Variants in TMTC1 observed in about 807,000 individuals in gnomAD.
TMTC1 encodes the protein transmembrane O-mannosyltransferase targeting cadherins 1, also known as protein O-mannosyl-transferase TMTC1.
In TMTC1, 73 loss-of-function variants were observed where a neutral mutation model predicts 104.8. The ratio of observed to expected loss-of-function variants is 0.70; its 90% CI spans 0.58 to 0.85. The LOEUF is 0.85. TMTC1 is among the 40% of genes least tolerant of loss of function. The probability of loss-of-function intolerance (pLI) is 0.00; values close to 1 mark genes in which losing one functional copy is unlikely to be tolerated. For missense variants in TMTC1, 1,035 were observed against 1,096.1 expected, an observed-to-expected ratio of 0.94 and a Z score of 0.79; for synonymous variants, 434 against 428.7, an observed-to-expected ratio of 1.01 and a Z score of -0.15.
At chr12:29,523,044 A>T (rs74509909) in intron 11 of TMTC1, among the ~76,000 whole-genome samples, 2,062 of 152,324 alleles carry the variant, frequency 0.014, 44 homozygotes, top group African/African-American at 0.046. Context: ...GGAGCCCTGA[A>T]TAAAAGCAGT....
intron 5 of TMTC1, among the ~76,000 whole-genome samples, chr12:29,739,906 A>G (rs1344589315): frequency 6.6e-6 from 1 of 152,028 alleles, no homozygotes; most frequent in Non-Finnish European, 1.5e-5. Context: ...ACAGAGTTTC[A>G]CCACGTTGGC....
chr12:29,512,594 G>C (rs1943870091), intron 16 of TMTC1, among the ~76,000 whole-genome samples: 1 of 152,132 alleles, frequency 6.6e-6, no homozygotes, highest in Non-Finnish European at 1.5e-5. Flanking sequence ...AATTCTTAAA[G>C]TGGATCACCG....
At chr12:29,702,419 G>T (rs1941620563) in intron 5 of TMTC1, among the ~76,000 whole-genome samples, 1 of 152,192 alleles carries the variant, frequency 6.6e-6, no homozygotes, top group South Asian at 2.1e-4. Context: ...TCCTTGAGGT[G>T]GTTGGACTTG....
chr12:29,507,326 G>A (rs1444925943), intron 17 of TMTC1, among the ~76,000 whole-genome samples: 1 of 152,242 alleles, frequency 6.6e-6, no homozygotes, highest in East Asian at 1.9e-4. Flanking sequence ...TGGAACCATG[G>A]CACAAAATTC....
intron 5 of TMTC1, among the ~76,000 whole-genome samples, chr12:29,709,628 C>T (rs1295496449): frequency 3.3e-5 from 5 of 152,036 alleles, no homozygotes; most frequent in African/African-American, 1.2e-4. Context: ...GAAAAAAATC[C>T]CACTTCCATA....
chr12:29,732,482 C>A (rs1352365529), intron 5 of TMTC1, among the ~76,000 whole-genome samples: 1 of 152,156 alleles, frequency 6.6e-6, no homozygotes, highest in Non-Finnish European at 1.5e-5. Flanking sequence ...GAGAAAGACA[C>A]CATAAAAGCA....
rs772424494 is a variant in TMTC1 at position 29,504,588 on chromosome 12, G to A, written c.*2258C>T. The A allele has an allele frequency of 1.3e-5, 2 of 152,080 alleles. No individual in the cohort carries two copies. The highest frequency in any genetic ancestry group is 4.8e-5 in the African/African-American group (2 of 41,392). 9.4% of individuals were successfully genotyped at this position (152,080 alleles called of 1,614,324 possible). Reference sequence around the variant, plus strand: ...GAGTGACAGTGAGAGAAAAAGAGAGGAAGGAAAAGGGAAAAGGGGTAGGGA... The same window carrying A: ...GAGTGACAGTGAGAGAAAAAGAGAGAAAGGAAAAGGGAAAAGGGGTAGGGA... On this transcript the variant is annotated 3_prime_UTR_variant, in exon 18 of 18. Transcript: ENST00000539277.
chr12:29,606,137 T>C (rs986632032), intron 6 of TMTC1, among the ~76,000 whole-genome samples: 4 of 152,154 alleles, frequency 2.6e-5, no homozygotes, highest in Non-Finnish European at 5.9e-5. Flanking sequence ...GCTGATTCCA[T>C]GTCTTTGCTA....
intron 17 of TMTC1, among the ~76,000 whole-genome samples, chr12:29,511,751 C>T (rs1226844107): frequency 2.6e-5 from 4 of 152,214 alleles, no homozygotes; most frequent in African/African-American, 7.2e-5. Flanking sequence ...ACAGATTTTA[C>T]CTGCTGTGGG....
In TMTC1 at chr12:29,604,239, C is replaced by G. The variant is rs1946638467; in HGVS notation, c.1189G>C (p.Ala397Pro). 2 of 1,613,824 alleles carry G rather than the reference C, an allele frequency of 1.2e-6. No individual in the cohort carries two copies. The highest frequency in any genetic ancestry group is 1.3e-5 in the African/African-American group (1 of 74,894). Residue 397 changes from alanine to proline, a missense_variant, in exon 7 of 18, where the codon GCC (alanine) becomes CCC (proline). Physicochemically the swap from Ala to Pro is conservative, Grantham distance 27 (BLOSUM62 -1). Transcript: ENST00000539277. ...CCCACCCTGAAGAAGAGGTTGCTGG[C>G]TGGAATGAACGGGAACACCAGGAAC... ...LLFLVFPFIP[A>P]SNLFFRVGFV...
At chr12:29,642,713 CAGG>C (rs1234169338) in intron 5 of TMTC1, among the ~76,000 whole-genome samples, 1 of 152,012 alleles carries the variant, frequency 6.6e-6, no homozygotes, top group Non-Finnish European at 1.5e-5. Flanking sequence ...ATCATGAGGT[CAGG>C]AGATCAAGAC....
At chr12:29,597,679 C>T (rs148755844) in intron 7 of TMTC1, among the ~76,000 whole-genome samples, 2 of 151,266 alleles carry the variant, frequency 1.3e-5, no homozygotes, top group East Asian at 1.9e-4. Flanking sequence ...GAAAAAAGCA[C>T]CCTTTTTACA....
At chr12:29,541,895 G>T (rs190457177) in intron 10 of TMTC1, among the ~76,000 whole-genome samples, 2 of 151,994 alleles carry the variant, frequency 1.3e-5, no homozygotes, top group African/African-American at 4.8e-5. Flanking sequence ...TTGACCTCGT[G>T]ATCCGCCTGC....
intron 5 of TMTC1, among the ~76,000 whole-genome samples, chr12:29,745,630 AAAAAAAAAAG>A (rs1192934872): frequency 6.6e-6 from 1 of 151,516 alleles, no homozygotes; most frequent in African/African-American, 2.4e-5. Flanking sequence ...AAAAAAAAAA[AAAAAAAAAAG>A]AAAGAAGCTG....
At chr12:29,554,881 G>T (rs1426186196) in intron 10 of TMTC1, among the ~76,000 whole-genome samples, 1 of 152,026 alleles carries the variant, frequency 6.6e-6, no homozygotes, top group Non-Finnish European at 1.5e-5. Flanking sequence ...ATATAAAGAA[G>T]CACACCGAAT....
chr12:29,760,115 C>G (rs181829562), intron 2 of TMTC1, among the ~76,000 whole-genome samples: 202 of 152,234 alleles, frequency 1.3e-3, no homozygotes, highest in African/African-American at 4.7e-3. Context: ...GAGCAATAGG[C>G]CATAGCATCT....
intron 5 of TMTC1, among the ~76,000 whole-genome samples, chr12:29,655,907 T>C (rs1398453026): frequency 2.0e-5 from 3 of 152,158 alleles, no homozygotes; most frequent in Non-Finnish European, 4.4e-5. Context: ...TTATACCTAC[T>C]TTAAAATAAG....
At chr12:29,698,914 G>C (rs2136787120) in intron 5 of TMTC1, among the ~76,000 whole-genome samples, 1 of 152,322 alleles carries the variant, frequency 6.6e-6, no homozygotes, top group East Asian at 1.9e-4. Flanking sequence ...TGAACAATTA[G>C]GCCTGTCAGC....
chr12:29,591,573 A>G (rs1191778898), intron 7 of TMTC1, among the ~76,000 whole-genome samples: 7 of 152,238 alleles, frequency 4.6e-5, no homozygotes, highest in Non-Finnish European at 8.8e-5. Context: ...CGTTTGAGAA[A>G]GAACCACCAC....
Sources: gnomAD v4.1 joint callset for allele counts (sites outside exome capture counted in the v4.1 genomes callset) on GRCh38, gnomAD v4.1.1 for gene constraint, MANE v1.5 for transcripts, NCBI Gene and HGNC (gene_info 2026-07-23, HGNC 2026-07-21) for gene names.